Variants in MACROD2 observed in about 807,000 individuals in gnomAD.
MACROD2 encodes mono-ADP ribosylhydrolase 2, also known as ADP-ribose glycohydrolase MACROD2.
MACROD2 carries 36 observed loss-of-function variants against 70.4 expected under a neutral mutation model. The observed-to-expected ratio is 0.51, with a 90% CI of 0.39 to 0.68. The LOEUF (loss-of-function observed/expected upper bound fraction) is 0.68. MACROD2 is among the 30% of genes least tolerant of loss of function. The pLI is 0.00. For missense variants in MACROD2, 496 were observed against 538.4 expected (o/e 0.92, Z 0.78); for synonymous variants, 172 against 178.8 (o/e 0.96, Z 0.30).
intron 8 of MACROD2, among the ~76,000 whole-genome samples, chr20:15,588,604 C>T (rs2048635595): frequency 6.6e-6 from 1 of 152,006 alleles, no homozygotes; most frequent in Non-Finnish European, 1.5e-5. Flanking sequence ...GCTTTTTTGC[C>T]TAGAAATTTC....
chr20:14,973,839 A>G (rs2074713691), intron 5 of MACROD2, among the ~76,000 whole-genome samples: 1 of 152,196 alleles, frequency 6.6e-6, no homozygotes, highest in African/African-American at 2.4e-5. Context: ...AGTAGAAGTC[A>G]AAGACATTTT....
chr20:15,876,071 T>C (rs1008094497), intron 9 of MACROD2, among the ~76,000 whole-genome samples: 1 of 135,900 alleles, frequency 7.4e-6, no homozygotes, highest in Non-Finnish European at 1.5e-5. Context: ...ACCTGACTTT[T>C]ATTGTCAGCT....
In MACROD2 at chr20:15,040,317, G is replaced by GAAA. The variant is rs11087118; in HGVS notation, c.419-189610_419-189608dup. Reference sequence around the variant, plus strand: ...GCGACAGAGCGAGACTCCGTCTCAGGAAAAAAAAAAAAAAAGTACCTTAAT... The same window carrying GAAA: ...GCGACAGAGCGAGACTCCGTCTCAGGAAAAAAAAAAAAAAAAAAGTACCTTAAT... On this transcript the variant is annotated intron_variant, in intron 5 of 17. Transcript: ENST00000684519. 2.4e-3 allele frequency among the ~76,000 whole-genome samples: 343 copies of GAAA among 140,606 alleles called. 7 individuals carry two copies. In the East Asian group the frequency reaches 0.039, roughly 16 times the overall value. 92.2% of individuals were successfully genotyped at this position (140,606 alleles called of 152,430 possible).
intron 6 of MACROD2, among the ~76,000 whole-genome samples, chr20:15,401,939 T>C (rs1033828001): frequency 6.6e-6 from 1 of 152,212 alleles, no homozygotes; most frequent in African/African-American, 2.4e-5. Flanking sequence ...GTGTGAAGTT[T>C]GTGGATGTTA....
intron 7 of MACROD2, among the ~76,000 whole-genome samples, chr20:15,440,052 G>C (rs2046476022): frequency 6.6e-6 from 1 of 152,148 alleles, no homozygotes; most frequent in African/African-American, 2.4e-5. Context: ...AAAGAGGCTA[G>C]ACATAATACA....
intron 4 of MACROD2, among the ~76,000 whole-genome samples, chr20:14,560,634 T>C (rs997847840): frequency 2.0e-5 from 3 of 151,904 alleles, no homozygotes; most frequent in Admixed American, 6.6e-5. Context: ...TTTTCTGAAG[T>C]GATTTTCTTG....
chr20:15,130,136 A>T (rs547779834), intron 5 of MACROD2, among the ~76,000 whole-genome samples: 1 of 152,106 alleles, frequency 6.6e-6, no homozygotes. Flanking sequence ...CATAATTGTG[A>T]ACAAGATTCT....
At chr20:15,812,041 G>T (rs559551358) in intron 8 of MACROD2, among the ~76,000 whole-genome samples, 4 of 152,290 alleles carry the variant, frequency 2.6e-5, no homozygotes, top group African/African-American at 9.6e-5. Context: ...AGCCTGATTT[G>T]GATGGTATTG....
At chr20:14,698,842 A>G (rs956144881) in intron 5 of MACROD2, among the ~76,000 whole-genome samples, 1 of 150,798 alleles carries the variant, frequency 6.6e-6, no homozygotes, top group African/African-American at 2.4e-5. Context: ...AATTATTAAC[A>G]AAGTTATCAG....
At chr20:14,705,187 C>T (rs1200718132) in intron 5 of MACROD2, among the ~76,000 whole-genome samples, 1 of 152,124 alleles carries the variant, frequency 6.6e-6, no homozygotes, top group African/African-American at 2.4e-5. Flanking sequence ...CATTAGATCT[C>T]TAGGCGTGTT....
At chr20:15,396,048 T>C (rs1258488858) in intron 6 of MACROD2, among the ~76,000 whole-genome samples, 1 of 152,224 alleles carries the variant, frequency 6.6e-6, no homozygotes, top group East Asian at 1.9e-4. Flanking sequence ...AATTTGTTCA[T>C]CCTTCAGGAG....
chr20:14,045,493 A>G (rs190372675), intron 2 of MACROD2, among the ~76,000 whole-genome samples: 4 of 152,362 alleles, frequency 2.6e-5, no homozygotes, highest in Admixed American at 6.5e-5. Flanking sequence ...CAGACAGAAA[A>G]TTATTTAAAA....
intron 5 of MACROD2, among the ~76,000 whole-genome samples, chr20:14,932,724 T>C (rs1342031436): frequency 6.6e-6 from 1 of 151,992 alleles, no homozygotes; most frequent in Non-Finnish European, 1.5e-5. Flanking sequence ...TGTGCCACCA[T>C]GCCTGGCTAA....
intron 6 of MACROD2, among the ~76,000 whole-genome samples, chr20:15,232,886 C>A (rs2076970956): frequency 6.6e-6 from 1 of 152,016 alleles, no homozygotes; most frequent in South Asian, 2.1e-4. Context: ...AGAATAGATT[C>A]TTCAAATATT....
At chr20:15,099,937 GAAAA>G (rs1029937842) in intron 5 of MACROD2, among the ~76,000 whole-genome samples, 1 of 146,446 alleles carries the variant, frequency 6.8e-6, no homozygotes, top group African/African-American at 2.5e-5. Flanking sequence ...TGGTAGGATT[GAAAA>G]AAAAAATTCA....
At chr20:15,480,367 G>A (rs535513906) in intron 7 of MACROD2, among the ~76,000 whole-genome samples, 2 of 152,256 alleles carry the variant, frequency 1.3e-5, no homozygotes, top group South Asian at 4.1e-4. Flanking sequence ...ACCAATTCTG[G>A]TTGCCTCCCT....
At chr20:15,442,246 T>C (rs1308391722) in intron 7 of MACROD2, among the ~76,000 whole-genome samples, 2 of 152,220 alleles carry the variant, frequency 1.3e-5, no homozygotes, top group African/African-American at 2.4e-5. Context: ...TTTTGGTCAA[T>C]GATACTCTTT....
chr20:14,151,811 C>CTTTTTTTTT (rs144065987), intron 3 of MACROD2, among the ~76,000 whole-genome samples: 3 of 59,190 alleles, frequency 5.1e-5, no homozygotes, highest in Non-Finnish European at 9.0e-5. Flanking sequence ...TGTATTGTAT[C>CTTTTTTTTT]TTTTTTTTTT....
At chr20:14,495,115 A>G (rs1030543211) in intron 4 of MACROD2, among the ~76,000 whole-genome samples, 3 of 152,286 alleles carry the variant, frequency 2.0e-5, no homozygotes, top group East Asian at 1.9e-4. Context: ...CACTTTAGCC[A>G]CTATAACAGA....
Sources: allele counts gnomAD v4.1 joint callset (sites outside exome capture counted in the v4.1 genomes callset), GRCh38; gene constraint gnomAD v4.1.1; transcripts MANE v1.5; gene names NCBI Gene and HGNC (gene_info 2026-07-23, HGNC 2026-07-21).